The following ALK variants were observed in gnomAD, a reference collection of about 807,000 sequenced individuals.
ALK encodes ALK tyrosine kinase receptor.
In ALK, 74 loss-of-function variants were observed where a neutral mutation model predicts 163.1. That is an observed-to-expected ratio of 0.45 (90% CI 0.38 to 0.55). The LOEUF (loss-of-function observed/expected upper bound fraction) is 0.55, where lower values mean the gene tolerates loss of function less well. ALK is among the 20% of genes least tolerant of loss of function. The pLI, the probability that ALK is intolerant of heterozygous loss-of-function variation, is 0.00. For synonymous variants in ALK, 960 were observed against 843.2 expected (o/e 1.14, Z -2.40); for missense variants, 2,063 against 2,105.3 (o/e 0.98, Z 0.39).
At chr2:29,232,019 G>A (rs1664223118) in intron 15 of ALK, among the ~76,000 whole-genome samples, 1 of 96,506 alleles carries the variant, frequency 1.0e-5, no homozygotes, top group Non-Finnish European at 2.5e-5. Flanking sequence ...AATCTCAGGG[G>A]GAGGCTCTAA....
At chr2:29,413,943 G>A (rs188041271) in intron 4 of ALK, among the ~76,000 whole-genome samples, 96 of 152,306 alleles carry the variant, frequency 6.3e-4, no homozygotes, top group African/African-American at 2.3e-3. Context: ...GGGATTACAG[G>A]CGTGAGCCAT....
At position 29,694,708 on chromosome 2, in the gene ALK, C is replaced by T; in HGVS notation, c.952+142G>A. 4 of 1,112,636 alleles carry T rather than the reference C, an allele frequency of 3.6e-6. No individual in the cohort carries two copies. In the Admixed American group the frequency reaches 5.3e-5, roughly 15 times the overall value. The allele number at this position is 1,112,636 out of a possible 1,614,324, so 68.9% of individuals were successfully genotyped here. A position where few individuals can be genotyped will look rare whatever the true frequency, so the allele number is the denominator to read the frequency against. On this transcript the variant is annotated intron_variant, in intron 3 of 28. Transcript: ENST00000389048. ...TCCCCTCCTTGCATGGCCCAAGAAG[C>T]CATGGAAAGTCACAGATATTAAAAG...
chr2:29,738,297 C>T (rs755862971), intron 1 of ALK, among the ~76,000 whole-genome samples: 6 of 152,018 alleles, frequency 3.9e-5, no homozygotes, highest in Non-Finnish European at 5.9e-5. Context: ...CAAATGGATG[C>T]TTGAAAAGTA....
chr2:29,578,191 T>G (rs1436071842), intron 3 of ALK, among the ~76,000 whole-genome samples: 1 of 151,740 alleles, frequency 6.6e-6, no homozygotes, highest in Non-Finnish European at 1.5e-5. Context: ...AAAACGAGTT[T>G]CCCTACACAA....
chr2:29,573,969 G>A (rs995474785), intron 3 of ALK, among the ~76,000 whole-genome samples: 1 of 152,066 alleles, frequency 6.6e-6, no homozygotes, highest in African/African-American at 2.4e-5. Context: ...GAGAGAGATG[G>A]ATATATAGTG....
At chr2:29,505,945 G>C (rs10173116) in intron 4 of ALK, among the ~76,000 whole-genome samples, 24,168 of 152,094 alleles carry the variant, frequency 0.16, 2,641 homozygotes, top group African/African-American at 0.31. Flanking sequence ...ACATGGACTC[G>C]TGCAGCAATC....
At chr2:29,682,927 G>A (rs563066274) in intron 3 of ALK, among the ~76,000 whole-genome samples, 8 of 152,272 alleles carry the variant, frequency 5.3e-5, no homozygotes, top group African/African-American at 1.9e-4. Context: ...AAGAGACACA[G>A]GGAGCTGCCA....
At chr2:29,918,222 C>T (rs1302439830) in intron 1 of ALK, among the ~76,000 whole-genome samples, 1 of 152,202 alleles carries the variant, frequency 6.6e-6, no homozygotes, top group African/African-American at 2.4e-5. Flanking sequence ...CAACATCTGA[C>T]AACAGCTGAT....
At chr2:29,900,785 A>G (rs926180640) in intron 1 of ALK, among the ~76,000 whole-genome samples, 1 of 152,120 alleles carries the variant, frequency 6.6e-6, no homozygotes, top group African/African-American at 2.4e-5. Context: ...CCACCTCAAG[A>G]GAGAGACATG....
At chr2:29,541,014 G>A (rs1397459621) in intron 3 of ALK, among the ~76,000 whole-genome samples, 1 of 152,064 alleles carries the variant, frequency 6.6e-6, no homozygotes, top group Non-Finnish European at 1.5e-5. Flanking sequence ...GACTATTCCA[G>A]ACATTAGCCT....
intron 3 of ALK, among the ~76,000 whole-genome samples, chr2:29,580,098 A>G (rs1674637036): frequency 6.6e-6 from 1 of 152,176 alleles, no homozygotes; most frequent in African/African-American, 2.4e-5. Context: ...TCTTTCTGCC[A>G]GGGATTTTTG....
At chr2:29,778,012 G>A (rs1186720384) in intron 1 of ALK, among the ~76,000 whole-genome samples, 3 of 152,160 alleles carry the variant, frequency 2.0e-5, no homozygotes, top group African/African-American at 7.2e-5. Flanking sequence ...AGGTAGCAGG[G>A]GGACACCTCA....
chr2:29,454,604 G>T (rs900682811), intron 4 of ALK, among the ~76,000 whole-genome samples: 1 of 152,046 alleles, frequency 6.6e-6, no homozygotes, highest in African/African-American at 2.4e-5. Flanking sequence ...TGTCTTTCCA[G>T]TAGAAAGAAT....
intron 1 of ALK, among the ~76,000 whole-genome samples, chr2:29,881,399 G>A (rs1261867939): frequency 6.6e-6 from 1 of 152,176 alleles, no homozygotes; most frequent in Admixed American, 6.5e-5. Context: ...GCAGGTTGGT[G>A]CTTTTATCAA....
chr2:29,219,617 C>T (rs549851543), intron 23 of ALK, among the ~76,000 whole-genome samples: 4 of 152,312 alleles, frequency 2.6e-5, no homozygotes, highest in Admixed American at 6.5e-5. Context: ...TCCTGGTATC[C>T]GGGGCCTGCT....
At chr2:29,674,194 A>G (rs1347662688) in intron 3 of ALK, among the ~76,000 whole-genome samples, 1 of 151,884 alleles carries the variant, frequency 6.6e-6, no homozygotes, top group East Asian at 1.9e-4. Flanking sequence ...TGCCCTGGCC[A>G]GAACTTCCAA....
intron 1 of ALK, among the ~76,000 whole-genome samples, chr2:29,836,321 G>T (rs116972532): frequency 6.6e-6 from 1 of 152,130 alleles, no homozygotes; most frequent in Non-Finnish European, 1.5e-5. Context: ...ACATAATAGA[G>T]AACTACCTCT....
In ALK at chr2:29,368,668, A is replaced by C. The variant is rs141925597; in HGVS notation, c.1282+15064T>G. Among the ~76,000 whole-genome samples the C allele has an allele frequency of 5.8e-3, 888 of 152,268 alleles. 11 individuals carry two copies. The highest frequency in any genetic ancestry group is 0.021 in the African/African-American group (856 of 41,556). On this transcript the variant is annotated intron_variant, in intron 5 of 28. Transcript: ENST00000389048. ...GCTCAGAACTTCCAGGTTGGGCACA[A>C]AAGGAGAACTTCATAGAGTGGGAAG...
At chr2:29,302,957 GC>G (rs1158495168) in intron 8 of ALK, among the ~76,000 whole-genome samples, 1 of 152,080 alleles carries the variant, frequency 6.6e-6, no homozygotes, top group Non-Finnish European at 1.5e-5. Context: ...TTGGACATTG[GC>G]CTAGGCAAAG....
Sources: gnomAD v4.1 joint callset for allele counts (sites outside exome capture counted in the v4.1 genomes callset) on GRCh38, gnomAD v4.1.1 for gene constraint, MANE v1.5 for transcripts, NCBI Gene and HGNC (gene_info 2026-07-23, HGNC 2026-07-21) for gene names.